NRG3: variants seen among roughly 807,000 people sequenced by gnomAD.
NRG3 encodes neuregulin 3, also known as pro-neuregulin-3, membrane-bound isoform.
NRG3 carries 31 observed loss-of-function variants against 66.9 expected under a neutral mutation model. The ratio of observed to expected loss-of-function variants is 0.46; its 90% CI spans 0.35 to 0.63. The LOEUF (loss-of-function observed/expected upper bound fraction) is 0.63, where lower values mean the gene tolerates loss of function less well. Ranked by LOEUF, NRG3 falls within the 20% of genes least tolerant of loss-of-function variation. The pLI, the probability that NRG3 is intolerant of heterozygous loss-of-function variation, is 0.00. For synonymous variants in NRG3, 393 were observed against 359.4 expected (o/e 1.09, Z -1.06); for missense variants, 910 against 878.9 (o/e 1.04, Z -0.45).
intron 2 of NRG3, among the ~76,000 whole-genome samples, chr10:82,623,367 G>C (rs1438061576): frequency 6.6e-6 from 1 of 152,158 alleles, no homozygotes; most frequent in Non-Finnish European, 1.5e-5. Context: ...GGGTCTGTCT[G>C]AACTACTTCT....
chr10:82,277,462 T>C (rs2184734), intron 1 of NRG3, among the ~76,000 whole-genome samples: 26,351 of 152,080 alleles, frequency 0.17, 2,431 homozygotes, highest in East Asian at 0.24. Flanking sequence ...ATGTATTATG[T>C]CATTTGCAAA....
At chr10:82,159,710 T>C (rs912587830) in intron 1 of NRG3, among the ~76,000 whole-genome samples, 8 of 151,894 alleles carry the variant, frequency 5.3e-5, no homozygotes, top group African/African-American at 1.9e-4. Flanking sequence ...ACATAGTAGG[T>C]GCTCAGTCAA....
At chr10:82,535,603 G>T (rs960182467) in intron 2 of NRG3, among the ~76,000 whole-genome samples, 8 of 152,140 alleles carry the variant, frequency 5.3e-5, no homozygotes, top group African/African-American at 1.9e-4. Context: ...ATGATAAAGG[G>T]CTGGAATTGT....
intron 3 of NRG3, among the ~76,000 whole-genome samples, chr10:82,746,581 G>T (rs190369638): frequency 3.3e-5 from 5 of 152,236 alleles, no homozygotes; most frequent in Admixed American, 2.6e-4. Flanking sequence ...TCTCTCCTCT[G>T]TCCTTTTTAT....
chr10:82,699,000 C>T (rs1289744113), intron 2 of NRG3, among the ~76,000 whole-genome samples: 1 of 152,030 alleles, frequency 6.6e-6, no homozygotes, highest in Admixed American at 6.6e-5. Context: ...AAATGTTGAC[C>T]ATATAACCTT....
At chr10:82,346,919 T>C (rs2083066497) in intron 1 of NRG3, among the ~76,000 whole-genome samples, 1 of 152,084 alleles carries the variant, frequency 6.6e-6, no homozygotes, top group Admixed American at 6.5e-5. Context: ...ATATCCCCTT[T>C]ATCATTTTTT....
intron 1 of NRG3, among the ~76,000 whole-genome samples, chr10:82,131,937 C>T (rs545543103): frequency 6.6e-6 from 1 of 152,130 alleles, no homozygotes; most frequent in Non-Finnish European, 1.5e-5. Flanking sequence ...TTTTTTGGTG[C>T]AGTCTTCAGA....
intron 4 of NRG3, among the ~76,000 whole-genome samples, chr10:82,949,067 C>G (rs1032965820): frequency 4.6e-5 from 7 of 151,950 alleles, no homozygotes; most frequent in African/African-American, 1.7e-4. Context: ...GAAGTGCCTT[C>G]TATTTCTAGG....
intron 4 of NRG3, among the ~76,000 whole-genome samples, chr10:82,919,017 G>T (rs2132045678): frequency 6.6e-6 from 1 of 151,862 alleles, no homozygotes; most frequent in South Asian, 2.1e-4. Flanking sequence ...CAATCACTGG[G>T]CCCCAGTAAG....
intron 1 of NRG3, among the ~76,000 whole-genome samples, chr10:82,132,069 A>T (rs1308780102): frequency 6.6e-6 from 1 of 152,008 alleles, no homozygotes; most frequent in African/African-American, 2.4e-5. Context: ...TTCCAGTACT[A>T]TGTTGAATAA....
intron 3 of NRG3, among the ~76,000 whole-genome samples, chr10:82,841,480 A>G (rs2063055278): frequency 1.3e-5 from 2 of 152,262 alleles, no homozygotes; most frequent in South Asian, 4.1e-4. Flanking sequence ...ATATGAAGAG[A>G]TTTATTTTAG....
intron 2 of NRG3, among the ~76,000 whole-genome samples, chr10:82,650,233 C>A (rs957499333): frequency 1.3e-5 from 2 of 152,108 alleles, no homozygotes; most frequent in Non-Finnish European, 2.9e-5. Flanking sequence ...ATATTTCCCA[C>A]CCTTAATATT....
chr10:82,546,930 AG>A (rs1257756448), intron 2 of NRG3, among the ~76,000 whole-genome samples: 1 of 152,154 alleles, frequency 6.6e-6, no homozygotes, highest in African/African-American at 2.4e-5. Flanking sequence ...TTTGAAAAAT[AG>A]GGGGAAAAAA....
intron 2 of NRG3, among the ~76,000 whole-genome samples, chr10:82,573,398 A>G (rs1431480595): frequency 6.6e-6 from 1 of 151,834 alleles, no homozygotes; most frequent in African/African-American, 2.4e-5. Flanking sequence ...TTTTTCTTAT[A>G]TCAAATTTGC....
intron 2 of NRG3, among the ~76,000 whole-genome samples, chr10:82,591,355 G>T (rs895359792): frequency 6.6e-6 from 1 of 152,156 alleles, no homozygotes; most frequent in Non-Finnish European, 1.5e-5. Flanking sequence ...AAATACTAAT[G>T]CAACTGTGCG....
chr10:82,311,182 T>C (rs898488749), intron 1 of NRG3, among the ~76,000 whole-genome samples: 2 of 152,234 alleles, frequency 1.3e-5, no homozygotes, highest in Non-Finnish European at 2.9e-5. Flanking sequence ...AAGGTATTAC[T>C]CTCTGAGTTG....
Position 82,907,277 on chromosome 10 carries a change from G to A in NRG3, c.1054+41840G>A, listed in dbSNP as rs373237557. On this transcript the variant is annotated intron_variant, in intron 4 of 8. Transcript: ENST00000372141. ...AAATAATACCTGCCTATATTTATTT[G>A]ACATTATACAGAAAAATTTTGGAAG... Among the ~76,000 whole-genome samples the A allele has an allele frequency of 9.9e-5, 15 of 152,144 alleles. No homozygotes were observed. In the East Asian group the frequency reaches 2.3e-3, roughly 23 times the overall value.
intron 2 of NRG3, among the ~76,000 whole-genome samples, chr10:82,519,222 T>A (rs1371487161): frequency 1.3e-5 from 2 of 152,044 alleles, no homozygotes; most frequent in East Asian, 3.9e-4. Flanking sequence ...GTTCAGAGAG[T>A]TCTTAGGAGA....
At chr10:82,847,905 G>A (rs2135805881) in intron 3 of NRG3, among the ~76,000 whole-genome samples, 1 of 152,226 alleles carries the variant, frequency 6.6e-6, no homozygotes, top group East Asian at 1.9e-4. Context: ...TTATAGAGTA[G>A]GCATTGAGTA....
Sources: allele counts gnomAD v4.1 joint callset (sites outside exome capture counted in the v4.1 genomes callset), GRCh38; gene constraint gnomAD v4.1.1; transcripts MANE v1.5; gene names NCBI Gene and HGNC (gene_info 2026-07-23, HGNC 2026-07-21).